The following TEX2 variants were observed in gnomAD, a reference collection of about 807,000 sequenced individuals.
TEX2 encodes the protein testis-expressed protein 2.
Under a neutral mutation model 106.9 loss-of-function variants are expected in TEX2, and 53 were observed. That is an observed-to-expected ratio of 0.50 (90% CI 0.40 to 0.62). TEX2 has a LOEUF of 0.62. TEX2 is among the 20% of genes least tolerant of loss of function. TEX2 has a pLI of 0.00. For missense variants in TEX2, 1,207 were observed against 1,379.0 expected (o/e 0.88, Z 1.98); for synonymous variants, 523 against 534.8 (o/e 0.98, Z 0.30).
intron 9 of TEX2, 83 bp downstream of exon 9, chr17:64,154,759 G>T (rs1265417969): frequency 2.9e-6 from 4 of 1,398,396 alleles, no homozygotes; most frequent in East Asian, 2.7e-5. Context: ...GATCACAGAG[G>T]AAGGAAGGGA....
chr17:64,254,667 G>A (rs1555637444), intron 1 of TEX2, among the ~76,000 whole-genome samples: 1 of 152,122 alleles, frequency 6.6e-6, no homozygotes, highest in Non-Finnish European at 1.5e-5. Flanking sequence ...ATTAACTTGT[G>A]TCCTGTTTCA....
At chr17:64,242,325 A>G (rs553233972) in intron 1 of TEX2, 29 of 152,354 alleles carry the variant, frequency 1.9e-4, no homozygotes, top group African/African-American at 7.0e-4. Flanking sequence ...CCTGAGGACT[A>G]TAACATGGTA....
intron 1 of TEX2, among the ~76,000 whole-genome samples, chr17:64,258,965 T>G (rs1373798934): frequency 3.3e-5 from 5 of 151,748 alleles, no homozygotes; most frequent in Non-Finnish European, 7.4e-5. Flanking sequence ...ACCATGTTGG[T>G]CAGGCTGGTC....
At chr17:64,211,110 G>A (rs1469206177) in intron 2 of TEX2, among the ~76,000 whole-genome samples, 4 of 152,044 alleles carry the variant, frequency 2.6e-5, no homozygotes, top group African/African-American at 7.2e-5. Context: ...ACAGGTGCAC[G>A]CCACCAAGCC....
In TEX2 at chr17:64,170,153, A is replaced by G. The variant is rs140151243; in HGVS notation, c.2671+947T>C. Among the ~76,000 whole-genome samples the G allele has an allele frequency of 5.8e-3, 890 of 152,338 alleles. 10 individuals carry two copies. Among genetic ancestry groups the G allele is most frequent in the African/African-American group, 0.02 (848 of 41,562 alleles). On this transcript the variant is annotated intron_variant, in intron 7 of 11. Coordinates refer to ENST00000584379, the MANE Select transcript of TEX2 (RefSeq NM_001288732.2). ...ATCAACTCTTTAACCCCCCACCCAC[A>G]AAAGCAGACATAAATAATGTCTTAG...
At chr17:64,212,453 G>A in intron 2 of TEX2, 121 bp downstream of exon 2, 1 of 879,716 alleles carries the variant, frequency 1.1e-6, no homozygotes, top group South Asian at 1.7e-5. Context: ...GTGGCCCCAA[G>A]CTCTTAAAAA....
intron 6 of TEX2, 110 bp downstream of exon 6, chr17:64,177,214 AT>A: frequency 2.3e-6 from 3 of 1,286,296 alleles, no homozygotes; most frequent in Admixed American, 4.0e-5. Flanking sequence ...TACTACCCTC[AT>A]ATGTTATACG....
At chr17:64,259,945 A>G (rs530968363) in intron 1 of TEX2, among the ~76,000 whole-genome samples, 29 of 152,346 alleles carry the variant, frequency 1.9e-4, no homozygotes, top group African/African-American at 6.7e-4. Flanking sequence ...CATAAATTAC[A>G]CTGTCTTAGC....
In TEX2 at chr17:64,148,963, C is replaced by G. The variant is rs1361150990; in HGVS notation, c.*6G>C. The stretch of plus-strand genomic sequence containing the variant: ...TCACAATATGGGGAACATCTGACAT[C>G]ACCCATCATGGCTGATCAGCAGCCT... On this transcript the variant is annotated 3_prime_UTR_variant, in exon 12 of 12. Coordinates refer to ENST00000584379, the MANE Select transcript of TEX2 (RefSeq NM_001288732.2). 2 of 1,614,042 alleles carry G rather than the reference C, an allele frequency of 1.2e-6. No individual in the cohort carries two copies. Among genetic ancestry groups the G allele is most frequent in the Non-Finnish European group, 1.7e-6 (2 of 1,179,950 alleles).
At chr17:64,196,342 CACAA>C (rs1473984887) in intron 2 of TEX2, among the ~76,000 whole-genome samples, 1 of 152,180 alleles carries the variant, frequency 6.6e-6, no homozygotes, top group East Asian at 1.9e-4. Flanking sequence ...GACAAGTTGT[CACAA>C]ACAGAGCACC....
intron 1 of TEX2, among the ~76,000 whole-genome samples, chr17:64,235,640 G>A (rs929076088): frequency 1.3e-5 from 2 of 152,148 alleles, no homozygotes; most frequent in Non-Finnish European, 2.9e-5. Flanking sequence ...AGGGATATAT[G>A]TTCCATACTG....
intron 2 of TEX2, among the ~76,000 whole-genome samples, chr17:64,196,846 G>A (rs1555629365): frequency 6.6e-6 from 1 of 152,010 alleles, no homozygotes; most frequent in Non-Finnish European, 1.5e-5. Context: ...TGCTGAAATT[G>A]GGCTGTATCA....
intron 1 of TEX2, among the ~76,000 whole-genome samples, chr17:64,229,614 C>A (rs2033606903): frequency 6.6e-6 from 1 of 152,058 alleles, no homozygotes; most frequent in Non-Finnish European, 1.5e-5. Flanking sequence ...ATTCCATCAG[C>A]ATAAAAACAT....
chr17:64,192,626 G>A (rs1193246342), intron 4 of TEX2, among the ~76,000 whole-genome samples: 3 of 152,184 alleles, frequency 2.0e-5, no homozygotes, highest in East Asian at 3.8e-4. Flanking sequence ...CTCCCCATTC[G>A]TCTTGATTCT....
At chr17:64,228,276 G>A (rs188018130) in intron 1 of TEX2, among the ~76,000 whole-genome samples, 226 of 151,842 alleles carry the variant, frequency 1.5e-3, no homozygotes, top group African/African-American at 5.4e-3. Context: ...ATTTTTCCAC[G>A]GACCAGAGGC....
intron 1 of TEX2, among the ~76,000 whole-genome samples, chr17:64,259,206 C>T (rs2034244167): frequency 6.6e-6 from 1 of 152,176 alleles, no homozygotes; most frequent in Non-Finnish European, 1.5e-5. Context: ...AGGACTGTAG[C>T]CTTCTGACTC....
chr17:64,177,268 A>T, intron 6 of TEX2, 57 bp downstream of exon 6: 1 of 1,601,302 alleles, frequency 6.2e-7, no homozygotes, highest in Non-Finnish European at 8.5e-7. Flanking sequence ...AGGGTACAAA[A>T]TTTCCAGAAA....
chr17:64,203,043 T>C (rs1417378824), intron 2 of TEX2, among the ~76,000 whole-genome samples: 1 of 152,230 alleles, frequency 6.6e-6, no homozygotes, highest in Non-Finnish European at 1.5e-5. Context: ...TTTTAAAAGA[T>C]TAAAAGCTAC....
At chr17:64,258,110 C>T (rs940918885) in intron 1 of TEX2, among the ~76,000 whole-genome samples, 1 of 152,084 alleles carries the variant, frequency 6.6e-6, no homozygotes, top group Non-Finnish European at 1.5e-5. Flanking sequence ...TGGGGTTTCA[C>T]TGTGTTGCCC....
Sources: allele counts gnomAD v4.1 joint callset (sites outside exome capture counted in the v4.1 genomes callset), GRCh38; gene constraint gnomAD v4.1.1; transcripts MANE v1.5; gene names NCBI Gene and HGNC (gene_info 2026-07-23, HGNC 2026-07-21).